The following TASP1 variants were observed in gnomAD, a reference collection of about 807,000 sequenced individuals.
The protein encoded by TASP1 is taspase 1.
A neutral mutation model predicts 56.6 loss-of-function variants in TASP1; 16 were observed. The observed-to-expected ratio is 0.28, with a 90% confidence interval of 0.19 to 0.43. The LOEUF (loss-of-function observed/expected upper bound fraction) is 0.43, where lower values mean the gene tolerates loss of function less well. Among genes scored for constraint, TASP1 ranks in the 20% least tolerant of loss-of-function variants. The pLI is 1.00. For missense variants in TASP1, 393 were observed against 511.6 expected (o/e 0.77, Z 2.24); for synonymous variants, 179 against 184.2 (o/e 0.97, Z 0.23).
chr20:13,200,108 C>G, the TASP1 span, among the ~76,000 whole-genome samples: 2 of 151,986 alleles, frequency 1.3e-5, no homozygotes, highest in Non-Finnish European at 2.9e-5. Flanking sequence ...CACAAAGGTA[C>G]TATGGCTACT....
At chr20:13,591,172 T>C (rs559145064) in intron 4 of TASP1, among the ~76,000 whole-genome samples, 68 of 151,956 alleles carry the variant, frequency 4.5e-4, no homozygotes, top group African/African-American at 1.5e-3. Context: ...AGTAGACAAA[T>C]GGATGAACAA....
chr20:13,325,772 A>G, the TASP1 span, among the ~76,000 whole-genome samples: 1 of 152,174 alleles, frequency 6.6e-6, no homozygotes, highest in East Asian at 1.9e-4. Context: ...GCCAGTAATT[A>G]CTCCGAGAAC....
At chr20:13,380,610 G>T in the TASP1 span, among the ~76,000 whole-genome samples, 3 of 152,130 alleles carry the variant, frequency 2.0e-5, no homozygotes, top group East Asian at 5.8e-4. Flanking sequence ...CACTGTGCTG[G>T]GGGATCCACT....
chr20:13,511,972 A>G (rs1009141550), intron 10 of TASP1, among the ~76,000 whole-genome samples: 1 of 152,018 alleles, frequency 6.6e-6, no homozygotes, highest in Non-Finnish European at 1.5e-5. Context: ...TCCATGGTGT[A>G]TATGTGCCAC....
At chr20:13,506,543 C>T (rs1872775151) in intron 10 of TASP1, among the ~76,000 whole-genome samples, 1 of 152,076 alleles carries the variant, frequency 6.6e-6, no homozygotes, top group African/African-American at 2.4e-5. Context: ...GTTCATTCAC[C>T]ATGACCAAGT....
intron 11 of TASP1, among the ~76,000 whole-genome samples, chr20:13,478,344 G>GAT (rs2043014580): frequency 9.0e-6 from 1 of 111,154 alleles, no homozygotes; most frequent in Non-Finnish European, 2.0e-5. Context: ...AAGAAAATAT[G>GAT]ATACACACAC....
In TASP1 at chr20:13,569,567, C is replaced by A; in HGVS notation, c.508G>T (p.Ala170Ser). The A allele has an allele frequency of 6.2e-7, 1 of 1,612,302 alleles. No homozygotes were observed. Among genetic ancestry groups the A allele is most frequent in the East Asian group, 2.2e-5 (1 of 44,784 alleles). ...CCATGATCTACTGCCCATCTGTAGG[C>A]TCCTTCTCCAACTAAAAAGCTAACA... ...IPPCFLVGEGAYRWAVDHGIP... is the reference protein window; with the variant it reads ...IPPCFLVGEGSYRWAVDHGIP... The change falls in exon 7 of 14, where the codon GCC (alanine) becomes TCC (serine). Residue 170 changes from alanine to serine, a missense_variant. Around this residue, in one of 3 missense-constraint regions of TASP1, gnomAD observed 293 missense variants for 354.2 expected, o/e 0.83. Transcript: ENST00000337743.
the TASP1 span, among the ~76,000 whole-genome samples, chr20:13,220,191 C>T: frequency 6.6e-6 from 1 of 152,114 alleles, no homozygotes; most frequent in Non-Finnish European, 1.5e-5. Flanking sequence ...GGAGGGGAAG[C>T]GCAGTATAAA....
At chr20:13,244,712 A>G in the TASP1 span, among the ~76,000 whole-genome samples, 1 of 152,164 alleles carries the variant, frequency 6.6e-6, no homozygotes, top group Non-Finnish European at 1.5e-5. Context: ...CACATTTTCT[A>G]TTGAGAAGAC....
At chr20:13,634,816 G>A (rs767334762) in intron 1 of TASP1, among the ~76,000 whole-genome samples, 60 of 151,278 alleles carry the variant, frequency 4.0e-4, no homozygotes, top group Non-Finnish European at 7.2e-4. Context: ...ATCACCTGAG[G>A]TCGGGAGTTC....
At chr20:13,384,179 TG>T in the TASP1 span, among the ~76,000 whole-genome samples, 1 of 152,190 alleles carries the variant, frequency 6.6e-6, no homozygotes, top group African/African-American at 2.4e-5. Context: ...TTAAAGGAAT[TG>T]TTTTGAATTT....
chr20:13,380,511 A>G, the TASP1 span, among the ~76,000 whole-genome samples: 150,445 of 152,154 alleles, frequency 0.99, 74,391 homozygotes, highest in Middle Eastern at 1. Context: ...GGTGTCTGTC[A>G]ACCCCTGCTT....
At chr20:13,624,005 A>G (rs1365305891) in intron 3 of TASP1, among the ~76,000 whole-genome samples, 1 of 152,222 alleles carries the variant, frequency 6.6e-6, no homozygotes, top group African/African-American at 2.4e-5. Context: ...TTTGGATACT[A>G]TAATGTAAAT....
chr20:13,478,472 A>T (rs1488234119), intron 11 of TASP1, among the ~76,000 whole-genome samples: 1 of 152,162 alleles, frequency 6.6e-6, no homozygotes, highest in Non-Finnish European at 1.5e-5. Context: ...ACTCACAAAC[A>T]GGAAGTCAAA....
intron 12 of TASP1, among the ~76,000 whole-genome samples, chr20:13,424,249 G>A (rs1485974916): frequency 6.6e-6 from 1 of 152,120 alleles, no homozygotes; most frequent in East Asian, 1.9e-4. Flanking sequence ...AAGTCCTAAT[G>A]TATAATTAAA....
At chr20:13,117,845 C>A in the TASP1 span, 1 of 907,638 alleles carries the variant, frequency 1.1e-6, no homozygotes, top group Non-Finnish European at 1.6e-6. Context: ...GCTGATCACT[C>A]CAGCCTGGCT....
chr20:13,349,631 G>A, the TASP1 span, among the ~76,000 whole-genome samples: 2 of 152,152 alleles, frequency 1.3e-5, no homozygotes, highest in African/African-American at 4.8e-5. Flanking sequence ...TGATCTCTCA[G>A]TAGATTGTTA....
At chr20:13,425,363 C>G (rs1229155478) in intron 12 of TASP1, among the ~76,000 whole-genome samples, 1 of 152,156 alleles carries the variant, frequency 6.6e-6, no homozygotes, top group Non-Finnish European at 1.5e-5. Context: ...CATTTCCTTA[C>G]CAGGTTGCAA....
At chr20:13,461,476 T>C (rs1460744684) in intron 11 of TASP1, among the ~76,000 whole-genome samples, 1 of 152,120 alleles carries the variant, frequency 6.6e-6, no homozygotes, top group Admixed American at 6.6e-5. Context: ...AGAAAATATA[T>C]GTTTTGGAGC....
Sources: gnomAD v4.1 joint callset for allele counts (sites outside exome capture counted in the v4.1 genomes callset) on GRCh38, gnomAD v4.1.1 for gene constraint, gnomAD v4.1.1 regional missense constraint, MANE v1.5 for transcripts, NCBI Gene and HGNC (gene_info 2026-07-23, HGNC 2026-07-21) for gene names.